PRKD3: variants seen among roughly 807,000 people sequenced by gnomAD.
The protein encoded by PRKD3 is protein kinase D3.
A neutral mutation model predicts 99.2 loss-of-function variants in PRKD3; 47 were observed. That is an observed-to-expected ratio of 0.47 (90% confidence interval 0.38 to 0.60). The LOEUF (loss-of-function observed/expected upper bound fraction) is 0.60. Among genes scored for constraint, PRKD3 ranks in the 20% least tolerant of loss-of-function variants. PRKD3 has a pLI of 0.00. For synonymous variants in PRKD3, 392 were observed against 355.4 expected (o/e 1.10, Z -1.16); for missense variants, 1,019 against 1,088.4 (o/e 0.94, Z 0.90).
chr2:37,299,621 T>G (rs535159248), intron 2 of PRKD3, among the ~76,000 whole-genome samples: 2 of 150,606 alleles, frequency 1.3e-5, no homozygotes, highest in African/African-American at 4.9e-5. Context: ...GAGAAAATAT[T>G]TGCAAACTAT....
intron 12 of PRKD3, 149 bp from the exon 13 acceptor site, chr2:37,269,836 GCTTT>G (rs1669105708): frequency 1.6e-6 from 1 of 620,820 alleles, no homozygotes; most frequent in South Asian, 2.5e-5. Context: ...GAAAACACAG[GCTTT>G]CTATGTTCTA....
At chr2:37,263,846 T>A (rs1018459428) in intron 14 of PRKD3, among the ~76,000 whole-genome samples, 4 of 152,224 alleles carry the variant, frequency 2.6e-5, no homozygotes, top group Non-Finnish European at 5.9e-5. Flanking sequence ...ATCTTTTTTT[T>A]AAAGTATGCT....
At chr2:37,264,495 GAA>G (rs1213173961) in intron 14 of PRKD3, among the ~76,000 whole-genome samples, 2 of 49,568 alleles carry the variant, frequency 4.0e-5, no homozygotes, top group Non-Finnish European at 7.6e-5. Flanking sequence ...ATGGAGAAAA[GAA>G]AAAGAGTTAA....
At chr2:37,319,269 T>C (rs1339087483) in intron 1 of PRKD3, among the ~76,000 whole-genome samples, 2 of 152,228 alleles carry the variant, frequency 1.3e-5, no homozygotes, top group Admixed American at 1.3e-4. Flanking sequence ...AGAATGTTAC[T>C]GGAGTGTGGG....
At chr2:37,320,086 C>T (rs1310881592) in intron 1 of PRKD3, among the ~76,000 whole-genome samples, 1 of 152,164 alleles carries the variant, frequency 6.6e-6, no homozygotes, top group African/African-American at 2.4e-5. Flanking sequence ...ATGCTAAACA[C>T]ATAAAGTGAG....
At chr2:37,286,486 T>G in intron 5 of PRKD3, 117 bp from the exon 6 acceptor site, 1 of 848,592 alleles carries the variant, frequency 1.2e-6, no homozygotes, top group Non-Finnish European at 1.7e-6. Context: ...ACTCTAAAAA[T>G]GTTGTTCTCA....
At chr2:37,256,465 C>G (rs187310183) in intron 17 of PRKD3, among the ~76,000 whole-genome samples, 197 bp downstream of exon 17, 1 of 152,106 alleles carries the variant, frequency 6.6e-6, no homozygotes, top group Non-Finnish European at 1.5e-5. Flanking sequence ...TGCCTGGGAA[C>G]TATACAGAAG....
At chr2:37,257,062 T>C in intron 16 of PRKD3, 133 bp from the exon 17 acceptor site, 1 of 1,017,976 alleles carries the variant, frequency 9.8e-7, no homozygotes, top group Non-Finnish European at 1.4e-6. Context: ...TAATCACAGA[T>C]AAGGAAATTG....
At chr2:37,288,852 A>T (rs1415067577) in intron 5 of PRKD3, among the ~76,000 whole-genome samples, 3 of 152,040 alleles carry the variant, frequency 2.0e-5, no homozygotes, top group Non-Finnish European at 4.4e-5. Context: ...TCAGGAATTC[A>T]AGACCAGCCT....
At chr2:37,287,262 A>AAAAAAGAAAAAGAAAAAG (rs1350375679) in intron 5 of PRKD3, among the ~76,000 whole-genome samples, 25 of 80,422 alleles carry the variant, frequency 3.1e-4, no homozygotes, top group East Asian at 1.4e-3. Flanking sequence ...AAAAAAAAAA[A>AAAAAAGAAAAAGAAAAAG]AAAAAGAAAA....
At chr2:37,271,762 A>G (rs1301794590) in intron 12 of PRKD3, among the ~76,000 whole-genome samples, 1 of 151,990 alleles carries the variant, frequency 6.6e-6, no homozygotes, top group African/African-American at 2.4e-5. Flanking sequence ...CCAACCCCCT[A>G]CCTCCGTGGA....
intron 15 of PRKD3, among the ~76,000 whole-genome samples, 163 bp from the exon 16 acceptor site, chr2:37,259,844 A>G (rs1289937821): frequency 6.6e-6 from 1 of 152,222 alleles, no homozygotes; most frequent in Non-Finnish European, 1.5e-5. Context: ...ACAATCACCC[A>G]ACATGTAAAA....
chr2:37,303,459 A>G (rs971357084), intron 2 of PRKD3, among the ~76,000 whole-genome samples: 4 of 151,974 alleles, frequency 2.6e-5, no homozygotes, highest in Admixed American at 2.6e-4. Context: ...CAGACCTAAG[A>G]GAGTATTATA....
In PRKD3 at chr2:37,308,823, C is replaced by G. The variant is rs1466380462; in HGVS notation, c.288+7414G>C. ...CTGCTTAAAACTAGTTTTTTAAGCT[C>G]TGTTTTTTTTTTGAAAAATGATTCC... On this transcript the variant is annotated intron_variant, in intron 2 of 18. Coordinates refer to ENST00000234179, the MANE Select transcript of PRKD3 (RefSeq NM_005813.6). Among the ~76,000 whole-genome samples, 4 of 142,802 alleles carry G rather than the reference C, an allele frequency of 2.8e-5. 1 individual carries two copies. In the East Asian group the frequency reaches 1.1e-3, roughly 40 times the overall value. 93.7% of individuals were successfully genotyped at this position (142,802 alleles called of 152,430 possible).
chr2:37,312,747 T>C (rs1572702501), intron 2 of PRKD3, among the ~76,000 whole-genome samples: 1 of 152,302 alleles, frequency 6.6e-6, no homozygotes, highest in East Asian at 1.9e-4. Flanking sequence ...ATGAATCAAC[T>C]ATATATATTA....
At chr2:37,284,495 G>A (rs1456230449) in intron 6 of PRKD3, among the ~76,000 whole-genome samples, 1 of 152,174 alleles carries the variant, frequency 6.6e-6, no homozygotes, top group Non-Finnish European at 1.5e-5. Flanking sequence ...TAGCAGAGCA[G>A]CAATATTAAC....
intron 14 of PRKD3, among the ~76,000 whole-genome samples, chr2:37,260,928 A>G (rs565169520): frequency 6.6e-6 from 1 of 152,332 alleles, no homozygotes; most frequent in South Asian, 2.1e-4. Context: ...AGGGTTGGAG[A>G]TACACAAAGA....
Position 37,316,225 on chromosome 2 carries a change from C to CA in PRKD3, c.288+11dup. On this transcript the variant is annotated intron_variant, in intron 2 of 18. Coordinates refer to ENST00000234179, the MANE Select transcript of PRKD3 (RefSeq NM_005813.6). ...CAATATTATTTACTACTGATAATAG[C>CA]ACACACAGTACCTTTTGATAAACTA... is the stretch of plus-strand genomic sequence containing the variant. 6.3e-7 allele frequency: 1 copy of CA among 1,593,078 alleles called. No individual in the cohort carries two copies. Among genetic ancestry groups the CA allele is most frequent in the Non-Finnish European group, 8.6e-7 (1 of 1,161,976 alleles).
intron 2 of PRKD3, among the ~76,000 whole-genome samples, chr2:37,308,580 G>T (rs184542227): frequency 9.5e-6 from 1 of 104,992 alleles, no homozygotes; most frequent in Non-Finnish European, 1.8e-5. Flanking sequence ...TCAGCCTCCC[G>T]AGTAGTTGGG....
Sources: gnomAD v4.1 joint callset for allele counts (sites outside exome capture counted in the v4.1 genomes callset) on GRCh38, gnomAD v4.1.1 for gene constraint, MANE v1.5 for transcripts, NCBI Gene and HGNC (gene_info 2026-07-23, HGNC 2026-07-21) for gene names.